Variants in SYN2 observed in about 807,000 individuals in gnomAD.
The protein encoded by SYN2 is synapsin-2.
In SYN2, 19 loss-of-function variants were observed where a neutral mutation model predicts 50.9. The ratio of observed to expected loss-of-function variants is 0.37; its 90% CI spans 0.26 to 0.55. The LOEUF (loss-of-function observed/expected upper bound fraction) is 0.55. Among genes scored for constraint, SYN2 ranks in the 20% least tolerant of loss-of-function variants. The probability of loss-of-function intolerance (pLI) is 0.81; values close to 1 mark genes in which losing one functional copy is unlikely to be tolerated. For synonymous variants in SYN2, 255 were observed against 224.9 expected, an observed-to-expected ratio of 1.13 and a Z score of -1.20; for missense variants, 587 against 576.4, an observed-to-expected ratio of 1.02 and a Z score of -0.19.
intron 1 of SYN2, among the ~76,000 whole-genome samples, chr3:12,088,959 A>G (rs767111645): frequency 1.2e-4 from 18 of 152,208 alleles, no homozygotes; most frequent in Non-Finnish European, 2.2e-4. Flanking sequence ...GATCTATTGC[A>G]TAGCATGGTG....
intron 1 of SYN2, among the ~76,000 whole-genome samples, chr3:12,105,244 AT>A (rs1307413026): frequency 6.6e-6 from 1 of 152,016 alleles, no homozygotes; most frequent in Admixed American, 6.5e-5. Context: ...AGGAATAGAG[AT>A]TTTTGAATTC....
At chr3:12,152,201 T>C (rs1697316516) in intron 5 of SYN2, among the ~76,000 whole-genome samples, 1 of 152,172 alleles carries the variant, frequency 6.6e-6, no homozygotes. Context: ...ACATTGTGCA[T>C]GGCCCTGCTC....
chr3:12,140,812 A>G (rs1697001593), intron 2 of SYN2, 104 bp downstream of exon 2: 1 of 712,256 alleles, frequency 1.4e-6, no homozygotes, highest in Non-Finnish European at 2.6e-6. Flanking sequence ...TGTGTCCATC[A>G]TTGGGTTCTG....
intron 1 of SYN2, among the ~76,000 whole-genome samples, chr3:12,136,424 C>G (rs931017596): frequency 1.3e-5 from 2 of 152,168 alleles, no homozygotes; most frequent in Non-Finnish European, 2.9e-5. Context: ...GACTCAGAGA[C>G]GCATTATTTG....
chr3:12,049,183 G>A (rs904627781), intron 1 of SYN2, among the ~76,000 whole-genome samples: 25 of 152,066 alleles, frequency 1.6e-4, no homozygotes, highest in African/African-American at 6.0e-4. Context: ...CTTTGGGAAA[G>A]TTAACATTGG....
intron 1 of SYN2, among the ~76,000 whole-genome samples, chr3:12,120,652 G>T (rs1314091197): frequency 6.6e-6 from 1 of 152,098 alleles, no homozygotes; most frequent in Non-Finnish European, 1.5e-5. Context: ...GTTTATAACC[G>T]CAATTTCCTC....
rs1037719085 is a variant in SYN2 at position 12,150,506 on chromosome 3, G to C, written c.685-731G>C. Among the ~76,000 whole-genome samples the C allele has an allele frequency of 5.3e-5, 8 of 151,908 alleles. No homozygotes were observed. The East Asian group carries it at 1.2e-3, about 22-fold the overall frequency. ...CTTCATTTATAAGATGGAGCGGGGT[G>C]GGGGAGCCCAGGTGTGCACTAAGAA... On this transcript the variant is annotated intron_variant, in intron 4 of 12. Transcript: ENST00000621198.
intron 10 of SYN2, among the ~76,000 whole-genome samples, chr3:12,180,973 T>G (rs1698207454): frequency 6.6e-6 from 1 of 152,240 alleles, no homozygotes; most frequent in African/African-American, 2.4e-5. Flanking sequence ...GAAGGAACCT[T>G]AGCATTCATC....
intron 10 of SYN2, among the ~76,000 whole-genome samples, chr3:12,179,500 G>T (rs766677923): frequency 3.3e-5 from 5 of 151,556 alleles, no homozygotes; most frequent in African/African-American, 7.3e-5. Context: ...AAGCACTGCT[G>T]AAATACCTCT....
At chr3:12,157,526 G>A (rs767287702) in intron 5 of SYN2, 3 of 1,578,196 alleles carry the variant, frequency 1.9e-6, no homozygotes, top group East Asian at 4.5e-5. Context: ...AGCTGGTGGG[G>A]GCAATACACC....
At chr3:12,173,630 A>G (rs988118422) in intron 10 of SYN2, among the ~76,000 whole-genome samples, 2 of 152,082 alleles carry the variant, frequency 1.3e-5, no homozygotes, top group East Asian at 1.9e-4. Context: ...AGTCACCTCC[A>G]TGAGGCCAGA....
At chr3:12,158,094 GAAC>G (rs1322707305) in intron 5 of SYN2, among the ~76,000 whole-genome samples, 1 of 152,082 alleles carries the variant, frequency 6.6e-6, no homozygotes, top group African/African-American at 2.4e-5. Context: ...CACGTGTAAA[GAAC>G]AACAGCACAG....
At chr3:12,176,155 T>C (rs1035509366) in intron 10 of SYN2, among the ~76,000 whole-genome samples, 1 of 152,154 alleles carries the variant, frequency 6.6e-6, no homozygotes, top group Non-Finnish European at 1.5e-5. Context: ...TAGGGGTCTC[T>C]TGTCTAGGAT....
chr3:12,077,385 G>C (rs1417224508), intron 1 of SYN2, among the ~76,000 whole-genome samples: 1 of 151,930 alleles, frequency 6.6e-6, no homozygotes, highest in Non-Finnish European at 1.5e-5. Flanking sequence ...GTAAACATGT[G>C]CCATGGTAGT....
rs1451340790 is a variant in SYN2, at chr3:12,032,492, A to G, written c.377+27564A>G. Among the ~76,000 whole-genome samples, 9 of 68,234 alleles carry G rather than the reference A, an allele frequency of 1.3e-4. No homozygotes were observed. The South Asian group carries it at 4.1e-3, about 31-fold the overall frequency. The allele number at this position is 68,234 out of a possible 152,430, so 44.8% of individuals were successfully genotyped here. On this transcript the variant is annotated intron_variant, in intron 1 of 12. Coordinates refer to ENST00000621198, the MANE Select transcript of SYN2 (RefSeq NM_133625.6). ...GCAGAGTGTTTTCCAACTTGGTTCC[A>G]TTCTCCGCATCACTTTCAGGTACAC... is the stretch of plus-strand genomic sequence containing the variant.
chr3:12,070,904 T>C, intron 1 of SYN2: 1 of 562,460 alleles, frequency 1.8e-6, no homozygotes, highest in South Asian at 1.4e-5. Context: ...GCCCTGGACT[T>C]CGAACAGGAG....
chr3:12,185,193 T>G (rs1336812257), intron 11 of SYN2: 1 of 985,768 alleles, frequency 1.0e-6, no homozygotes, highest in Non-Finnish European at 1.2e-6. Context: ...AATCAGGTCC[T>G]TAAATACCTC....
chr3:12,153,856 G>A, intron 5 of SYN2: 2 of 894,568 alleles, frequency 2.2e-6, no homozygotes, highest in East Asian at 2.7e-5. Flanking sequence ...GTCTTCTCCT[G>A]GATTCTCCTT....
chr3:12,044,827 A>T (rs6782911), intron 1 of SYN2, among the ~76,000 whole-genome samples: 1 of 152,122 alleles, frequency 6.6e-6, no homozygotes, highest in Non-Finnish European at 1.5e-5. Context: ...AACCAGAGAG[A>T]TAAGAGTAAG....
Sources: allele counts gnomAD v4.1 joint callset (sites outside exome capture counted in the v4.1 genomes callset), GRCh38; gene constraint gnomAD v4.1.1; transcripts MANE v1.5; gene names NCBI Gene and HGNC (gene_info 2026-07-23, HGNC 2026-07-21).